NFIB: variants seen among roughly 807,000 people sequenced by gnomAD.
The protein encoded by NFIB is nuclear factor 1 B-type.
A neutral mutation model predicts 61.5 loss-of-function variants in NFIB; 11 were observed. That is an observed-to-expected ratio of 0.18 (90% CI 0.11 to 0.30). The LOEUF (loss-of-function observed/expected upper bound fraction) is 0.30, where lower values mean the gene tolerates loss of function less well. Ranked by LOEUF, NFIB falls within the 10% of genes least tolerant of loss-of-function variation. The probability of loss-of-function intolerance (pLI) is 1.00; values close to 1 mark genes in which losing one functional copy is unlikely to be tolerated. For missense variants in NFIB, 471 were observed against 608.9 expected (o/e 0.77, Z 2.38); for synonymous variants, 260 against 216.5 (o/e 1.20, Z -1.76).
At chr9:14,277,558 G>T (rs2058086723) in intron 2 of NFIB, among the ~76,000 whole-genome samples, 1 of 152,190 alleles carries the variant, frequency 6.6e-6, no homozygotes, top group African/African-American at 2.4e-5. Context: ...CTTTTCATTA[G>T]TCCTCGTAGG....
the NFIB span, among the ~76,000 whole-genome samples, chr9:14,456,903 G>T: frequency 3.3e-5 from 5 of 152,274 alleles, no homozygotes; most frequent in African/African-American, 1.2e-4. Flanking sequence ...ATGCAGAATT[G>T]TTTGCAAAAT....
intron 2 of NFIB, chr9:14,300,077 T>C (rs1277071608): frequency 5.0e-6 from 2 of 397,490 alleles, no homozygotes; most frequent in African/African-American, 4.1e-5. Flanking sequence ...TGCAGTTTGA[T>C]GATTTATTCT....
chr9:14,270,386 G>C (rs1440425255), intron 2 of NFIB, among the ~76,000 whole-genome samples: 3 of 151,824 alleles, frequency 2.0e-5, no homozygotes, highest in African/African-American at 7.3e-5. Flanking sequence ...CCCCAGAAAG[G>C]CAATCTGTGC....
chr9:14,499,067 GGT>G, the NFIB span, among the ~76,000 whole-genome samples: 2 of 151,276 alleles, frequency 1.3e-5, no homozygotes, highest in African/African-American at 2.4e-5. Context: ...TGCGTGTGTG[GGT>G]GTGTGTGTTT....
the NFIB span, among the ~76,000 whole-genome samples, chr9:14,471,968 T>A: frequency 6.6e-6 from 1 of 152,202 alleles, no homozygotes; most frequent in Non-Finnish European, 1.5e-5. Context: ...TGCCTCCATC[T>A]CCGACCTGCA....
intron 2 of NFIB, among the ~76,000 whole-genome samples, chr9:14,203,258 C>T (rs1388786740): frequency 6.6e-6 from 1 of 152,034 alleles, no homozygotes; most frequent in Non-Finnish European, 1.5e-5. Flanking sequence ...GGCAACATAA[C>T]ATTCACAATG....
At chr9:14,446,823 T>C in the NFIB span, among the ~76,000 whole-genome samples, 1 of 152,180 alleles carries the variant, frequency 6.6e-6, no homozygotes, top group Non-Finnish European at 1.5e-5. Flanking sequence ...TACTCAACTT[T>C]AATAATCATC....
chr9:14,467,541 C>G, the NFIB span, among the ~76,000 whole-genome samples: 26 of 152,204 alleles, frequency 1.7e-4, no homozygotes, highest in South Asian at 5.2e-3. Flanking sequence ...ATCCTTTGTC[C>G]TGGTGCTATA....
intron 5 of NFIB, among the ~76,000 whole-genome samples, chr9:14,148,822 G>A (rs868114618): frequency 6.6e-6 from 1 of 152,138 alleles, no homozygotes; most frequent in Non-Finnish European, 1.5e-5. Context: ...TTCTATCCAT[G>A]CTAAGCTTAG....
the NFIB span, among the ~76,000 whole-genome samples, chr9:14,469,651 A>G: frequency 6.6e-6 from 1 of 151,992 alleles, no homozygotes; most frequent in Admixed American, 6.6e-5. Context: ...CTAGGTTTCC[A>G]TTTTCCTCCC....
At chr9:14,133,554 T>G (rs1366270190) in intron 6 of NFIB, among the ~76,000 whole-genome samples, 1 of 152,178 alleles carries the variant, frequency 6.6e-6, no homozygotes, top group East Asian at 1.9e-4. Context: ...GAGTCAGTCC[T>G]GAGACAAGGA....
intron 2 of NFIB, among the ~76,000 whole-genome samples, chr9:14,224,224 A>G (rs969199645): frequency 6.6e-6 from 1 of 152,198 alleles, no homozygotes; most frequent in Non-Finnish European, 1.5e-5. Context: ...AAATTGTGCC[A>G]TCATTTGCTG....
chr9:14,523,510 G>A, the NFIB span, among the ~76,000 whole-genome samples: 1 of 151,952 alleles, frequency 6.6e-6, no homozygotes. Flanking sequence ...CCATGCCAGA[G>A]ACCTTCCCGA....
chr9:14,422,862 A>T, the NFIB span, among the ~76,000 whole-genome samples: 1 of 152,188 alleles, frequency 6.6e-6, no homozygotes, highest in African/African-American at 2.4e-5. Flanking sequence ...AAGGGTCAGG[A>T]GGATGCTGGG....
At chr9:14,139,659 C>A (rs558737932) in intron 6 of NFIB, among the ~76,000 whole-genome samples, 1 of 152,232 alleles carries the variant, frequency 6.6e-6, no homozygotes, top group East Asian at 1.9e-4. Context: ...TTAATCAGTA[C>A]CAGCCCTTCT....
the NFIB span, among the ~76,000 whole-genome samples, chr9:14,427,101 C>T: frequency 2.0e-5 from 3 of 152,156 alleles, no homozygotes; most frequent in African/African-American, 4.8e-5. Context: ...GTACTCTTAT[C>T]ATACTTGTAG....
At chr9:14,197,643 T>C (rs1014406508) in intron 2 of NFIB, among the ~76,000 whole-genome samples, 13 of 152,206 alleles carry the variant, frequency 8.5e-5, no homozygotes, top group African/African-American at 2.9e-4. Flanking sequence ...CAACAGAAGA[T>C]GCTGAAGTTG....
At chr9:14,140,803 A>G (rs1179696631) in intron 6 of NFIB, among the ~76,000 whole-genome samples, 1 of 152,072 alleles carries the variant, frequency 6.6e-6, no homozygotes, top group African/African-American at 2.4e-5. Flanking sequence ...GCATGGTGGC[A>G]AGTGCCTGTA....
chr9:14,225,599 A>C (rs1465545874), intron 2 of NFIB, among the ~76,000 whole-genome samples: 2 of 151,694 alleles, frequency 1.3e-5, no homozygotes, highest in Non-Finnish European at 2.9e-5. Flanking sequence ...TTTAGGATAA[A>C]ATTTCATTTT....
Sources: gnomAD v4.1 joint callset for allele counts (sites outside exome capture counted in the v4.1 genomes callset) on GRCh38, gnomAD v4.1.1 for gene constraint, MANE v1.5 for transcripts, NCBI Gene and HGNC (gene_info 2026-07-23, HGNC 2026-07-21) for gene names.